Variants in KLHDC1 observed in about 807,000 individuals in gnomAD.
KLHDC1 encodes kelch domain-containing protein 1.
In KLHDC1, 53 loss-of-function variants were observed where a neutral mutation model predicts 68.3. That is an observed-to-expected ratio of 0.78 (90% CI 0.62 to 0.98). The LOEUF is 0.98. Ranked by LOEUF, KLHDC1 falls within the 50% of genes least tolerant of loss-of-function variation. The pLI, the probability that KLHDC1 is intolerant of heterozygous loss-of-function variation, is 0.00. For missense variants in KLHDC1, 470 were observed against 492.3 expected (o/e 0.95, Z 0.43); for synonymous variants, 148 against 159.0 (o/e 0.93, Z 0.52).
chr14:49,722,482 G>T (rs571672690), intron 4 of KLHDC1, among the ~76,000 whole-genome samples: 14 of 152,096 alleles, frequency 9.2e-5, no homozygotes, highest in African/African-American at 3.4e-4. Context: ...TCCATGGTGT[G>T]TATGTGCCAC....
intron 4 of KLHDC1, among the ~76,000 whole-genome samples, chr14:49,721,814 C>G (rs1888532100): frequency 6.6e-6 from 1 of 152,156 alleles, no homozygotes; most frequent in African/African-American, 2.4e-5. Flanking sequence ...CGAGGGAGTT[C>G]TCTTTGCTCT....
chr14:49,749,775 G>A (rs1218343180), intron 12 of KLHDC1, among the ~76,000 whole-genome samples: 2 of 151,974 alleles, frequency 1.3e-5, no homozygotes, highest in Non-Finnish European at 2.9e-5. Context: ...TAAAAATTAG[G>A]CATCAGGCTG....
chr14:49,748,803 C>A (rs934444791), intron 12 of KLHDC1, among the ~76,000 whole-genome samples: 1 of 145,258 alleles, frequency 6.9e-6, no homozygotes, highest in Non-Finnish European at 1.5e-5. Flanking sequence ...AATTTTTTTT[C>A]TTTTTTTTTT....
At chr14:49,696,291 C>T (rs1887740999) in intron 1 of KLHDC1, among the ~76,000 whole-genome samples, 1 of 151,858 alleles carries the variant, frequency 6.6e-6, no homozygotes, top group Non-Finnish European at 1.5e-5. Flanking sequence ...CATGCCTCAG[C>T]CTCCTGAGTA....
At chr14:49,748,592 A>C (rs1889251653) in intron 12 of KLHDC1, among the ~76,000 whole-genome samples, 1 of 151,950 alleles carries the variant, frequency 6.6e-6, no homozygotes, top group South Asian at 2.1e-4. Flanking sequence ...TTTGGATATA[A>C]AAGAATATTA....
At chr14:49,703,568 C>G (rs1279735365) in intron 1 of KLHDC1, among the ~76,000 whole-genome samples, 1 of 152,164 alleles carries the variant, frequency 6.6e-6, no homozygotes, top group East Asian at 1.9e-4. Context: ...ATCTTGGACT[C>G]CTCACCTTAG....
intron 11 of KLHDC1, among the ~76,000 whole-genome samples, chr14:49,741,366 C>A (rs1889061605): frequency 6.6e-6 from 1 of 151,496 alleles, no homozygotes; most frequent in Non-Finnish European, 1.5e-5. Flanking sequence ...AGTGCAGTGG[C>A]ATGATCTCGG....
intron 10 of KLHDC1, 146 bp downstream of exon 10, chr14:49,734,807 T>G (rs1566615809): frequency 7.9e-6 from 3 of 380,406 alleles, no homozygotes; most frequent in African/African-American, 6.3e-5. Flanking sequence ...CCTAAATAAT[T>G]TAATTATTAT....
At chr14:49,725,351 T>G (rs566587181) in intron 5 of KLHDC1, among the ~76,000 whole-genome samples, 78 of 152,426 alleles carry the variant, frequency 5.1e-4, no homozygotes, top group African/African-American at 1.8e-3. Context: ...GAGCATGTAC[T>G]TTAGGGAAAC....
chr14:49,699,628 G>A (rs1402446499), intron 1 of KLHDC1, among the ~76,000 whole-genome samples: 1 of 152,116 alleles, frequency 6.6e-6, no homozygotes, highest in Non-Finnish European at 1.5e-5. Flanking sequence ...TACAAACAAT[G>A]TATTAAAATG....
Position 49,734,616 on chromosome 14 carries a change from C to G in KLHDC1, c.851C>G (p.Thr284Arg). The G allele has an allele frequency of 4.4e-6, 7 of 1,595,616 alleles. No homozygotes were observed. The highest frequency in any genetic ancestry group is 2.3e-5 in the East Asian group (1 of 44,072). Residue 284 changes from threonine (T) to arginine (R), a missense_variant, in exon 10 of 13, where the codon ACA (threonine) becomes AGA (arginine). Physicochemically the swap from Thr to Arg is moderately conservative, Grantham distance 71. Coordinates refer to ENST00000359332, the MANE Select transcript of KLHDC1 (RefSeq NM_172193.3). ...LSDGWIHNVT[T>R]NCWKQLTHLP... ...GATGGTTGGATTCATAATGTCACAA[C>G]AAATTGTTGGAAACAACTTACACAT...
In KLHDC1 at chr14:49,695,908, C is replaced by CA. The variant is rs557331957; in HGVS notation, c.96+2626dup. ...TGAAACCCCGTCTCTACTAAAAATA[C>CA]AAAAAAAATTAGCCAGGCGTGGTGG... On this transcript the variant is annotated intron_variant, in intron 1 of 12. Coordinates refer to ENST00000359332, the MANE Select transcript of KLHDC1 (RefSeq NM_172193.3). 1.3e-4 allele frequency among the ~76,000 whole-genome samples: 19 copies of CA among 151,558 alleles called. 1 individual carries two copies. The South Asian group carries it at 2.9e-3, about 23-fold the overall frequency.
intron 4 of KLHDC1, among the ~76,000 whole-genome samples, chr14:49,722,977 C>CGCAGGAGGCAGAG (rs1437116251): frequency 6.7e-6 from 1 of 150,248 alleles, no homozygotes; most frequent in African/African-American, 2.5e-5. Context: ...ATCCCAGCTA[C>CGCAGGAGGCAGAG]GCAGGAGGCT....
chr14:49,709,482 C>T (rs1489919768), intron 2 of KLHDC1, among the ~76,000 whole-genome samples: 2 of 151,776 alleles, frequency 1.3e-5, no homozygotes, highest in African/African-American at 4.8e-5. Flanking sequence ...CTGCAAATTT[C>T]CAGTTCTAGT....
chr14:49,704,385 C>CTTTTT (rs1246947964), intron 1 of KLHDC1, among the ~76,000 whole-genome samples: 1 of 73,572 alleles, frequency 1.4e-5, no homozygotes, highest in African/African-American at 4.7e-5. Context: ...TTTTCCTTTT[C>CTTTTT]TGTTTTTTTT....
chr14:49,709,953 T>G (rs939609290), intron 3 of KLHDC1, 127 bp downstream of exon 3: 16 of 552,128 alleles, frequency 2.9e-5, no homozygotes, highest in Admixed American at 6.9e-5. Context: ...ATTAAATATT[T>G]TAAAGCTGGG....
At chr14:49,693,473 C>T (rs1476157809) in intron 1 of KLHDC1, among the ~76,000 whole-genome samples, 183 bp downstream of exon 1, 3 of 151,826 alleles carry the variant, frequency 2.0e-5, no homozygotes, top group Non-Finnish European at 4.4e-5. Flanking sequence ...GACGTCGTCC[C>T]GCCGTTGCTT....
intron 5 of KLHDC1, 62 bp downstream of exon 5, chr14:49,724,014 A>G: frequency 1.1e-6 from 1 of 889,024 alleles, no homozygotes; most frequent in African/African-American, 1.7e-5. Flanking sequence ...CATCTTAGAA[A>G]TAATGAGTCT....
chr14:49,723,985 C>G, intron 5 of KLHDC1, 33 bp downstream of exon 5: 1 of 1,273,294 alleles, frequency 7.9e-7, no homozygotes, highest in Non-Finnish European at 1.1e-6. Flanking sequence ...CATTTTCCTC[C>G]AAGTCAGTAT....
Sources: gnomAD v4.1 joint callset for allele counts (sites outside exome capture counted in the v4.1 genomes callset) on GRCh38, gnomAD v4.1.1 for gene constraint, MANE v1.5 for transcripts, NCBI Gene and HGNC (gene_info 2026-07-23, HGNC 2026-07-21) for gene names.